PDE7B: variants seen among roughly 807,000 people sequenced by gnomAD.
PDE7B encodes the protein phosphodiesterase 7B.
PDE7B carries 29 observed loss-of-function variants against 56.2 expected under a neutral mutation model. The ratio of observed to expected loss-of-function variants is 0.52; its 90% CI spans 0.38 to 0.70. The LOEUF is 0.70. Ranked by LOEUF, PDE7B falls within the 30% of genes least tolerant of loss-of-function variation. PDE7B has a pLI of 0.00. For synonymous variants in PDE7B, 197 were observed against 196.9 expected (o/e 1.00, Z 0.00); for missense variants, 490 against 565.0 (o/e 0.87, Z 1.35).
intron 2 of PDE7B, among the ~76,000 whole-genome samples, chr6:136,103,445 A>G (rs1306285992): frequency 6.6e-6 from 1 of 152,208 alleles, no homozygotes; most frequent in East Asian, 1.9e-4. Context: ...GTTAATTTGG[A>G]GAGTAGTCAG....
intron 2 of PDE7B, among the ~76,000 whole-genome samples, chr6:136,063,872 C>A (rs1776887561): frequency 6.6e-6 from 1 of 152,204 alleles, no homozygotes; most frequent in African/African-American, 2.4e-5. Context: ...CCCATAGCAC[C>A]TTCTAGCTTA....
chr6:135,957,342 G>A (rs1774815691), intron 2 of PDE7B, among the ~76,000 whole-genome samples: 1 of 152,112 alleles, frequency 6.6e-6, no homozygotes, highest in Non-Finnish European at 1.5e-5. Context: ...AAAATGTGGA[G>A]CAGTTTTGAG....
chr6:135,854,735 A>C (rs991071866), intron 1 of PDE7B, among the ~76,000 whole-genome samples: 6 of 152,184 alleles, frequency 3.9e-5, no homozygotes, highest in African/African-American at 1.4e-4. Context: ...GGCTCTAGGA[A>C]TCCCCTCTTT....
At chr6:135,979,747 G>T (rs1395415067) in intron 2 of PDE7B, among the ~76,000 whole-genome samples, 2 of 152,002 alleles carry the variant, frequency 1.3e-5, no homozygotes, top group Non-Finnish European at 2.9e-5. Context: ...GGGATGTGAA[G>T]GACCTCTTCA....
chr6:135,949,865 G>C (rs1381815101), intron 2 of PDE7B, among the ~76,000 whole-genome samples: 1 of 152,078 alleles, frequency 6.6e-6, no homozygotes. Flanking sequence ...ACTATTCAAA[G>C]ATAATATTAT....
intron 2 of PDE7B, among the ~76,000 whole-genome samples, chr6:136,075,138 C>T (rs1026578307): frequency 3.9e-5 from 6 of 152,262 alleles, no homozygotes; most frequent in Admixed American, 3.3e-4. Flanking sequence ...TTTCTGGGTG[C>T]TTTACCTACT....
chr6:136,096,328 A>G (rs546663187), intron 2 of PDE7B: 1 of 152,334 alleles, frequency 6.6e-6, no homozygotes, highest in African/African-American at 2.4e-5. Context: ...GAAGCACATA[A>G]AAACAAACAA....
At chr6:135,898,274 G>T (rs1000600065) in intron 1 of PDE7B, among the ~76,000 whole-genome samples, 1 of 152,096 alleles carries the variant, frequency 6.6e-6, no homozygotes, top group African/African-American at 2.4e-5. Flanking sequence ...AACCCCAGAA[G>T]AAATTTATTA....
intron 8 of PDE7B, among the ~76,000 whole-genome samples, chr6:136,168,469 A>G (rs1778830968): frequency 6.6e-6 from 1 of 152,048 alleles, no homozygotes; most frequent in Non-Finnish European, 1.5e-5. Flanking sequence ...AGTGCACACC[A>G]CAGAACCTGG....
chr6:136,079,972 G>A (rs1777180797), intron 2 of PDE7B, among the ~76,000 whole-genome samples: 1 of 151,952 alleles, frequency 6.6e-6, no homozygotes, highest in African/African-American at 2.4e-5. Context: ...ATAAAACAAG[G>A]ACAATTAAAG....
intron 1 of PDE7B, among the ~76,000 whole-genome samples, chr6:135,886,539 G>A (rs200249153): frequency 1.5e-5 from 2 of 133,264 alleles, no homozygotes; most frequent in Non-Finnish European, 3.2e-5. Context: ...AACCTACCCT[G>A]AGTCCCCAAA....
At chr6:135,932,894 A>G (rs965984846) in intron 1 of PDE7B, among the ~76,000 whole-genome samples, 2 of 152,216 alleles carry the variant, frequency 1.3e-5, no homozygotes, top group Admixed American at 1.3e-4. Flanking sequence ...GTGGAAAGTC[A>G]GGTTTTTCCT....
rs1304945692 is a variant in PDE7B at position 136,103,583 on chromosome 6, C to A, written c.83-5148C>A. Among the ~76,000 whole-genome samples the A allele has an allele frequency of 2.6e-5, 4 of 152,182 alleles. No individual in the cohort carries two copies. In the East Asian group the frequency reaches 7.7e-4, roughly 29 times the overall value. ...TGACATGAATTAGTAATGTGCTCAG[C>A]AAGCTCAGAGGAATACCTTTCATGA... On this transcript the variant is annotated intron_variant, in intron 2 of 12. Coordinates refer to ENST00000308191, the MANE Select transcript of PDE7B (RefSeq NM_018945.4).
intron 11 of PDE7B, among the ~76,000 whole-genome samples, chr6:136,186,265 T>C (rs369148831): frequency 6.6e-6 from 1 of 151,790 alleles, no homozygotes; most frequent in South Asian, 2.1e-4. Flanking sequence ...AAAATAAAAA[T>C]TTAAAAATAT....
chr6:135,922,043 A>T (rs1774091857), intron 1 of PDE7B, among the ~76,000 whole-genome samples: 2 of 152,214 alleles, frequency 1.3e-5, no homozygotes, highest in Non-Finnish European at 2.9e-5. Flanking sequence ...TACTGTAGTT[A>T]TATGAAATAA....
intron 2 of PDE7B, among the ~76,000 whole-genome samples, chr6:136,013,565 G>A (rs747395539): frequency 7.2e-5 from 11 of 152,222 alleles, no homozygotes; most frequent in Non-Finnish European, 1.6e-4. Flanking sequence ...ATGGGAGGCC[G>A]TTGAACTTGG....
chr6:135,953,210 G>A (rs1014314487), intron 2 of PDE7B, among the ~76,000 whole-genome samples: 1 of 140,284 alleles, frequency 7.1e-6, no homozygotes, highest in Non-Finnish European at 1.6e-5. Flanking sequence ...AAAGTTGGGA[G>A]TTATTTTATA....
chr6:135,916,487 G>C (rs1773950075), intron 1 of PDE7B, among the ~76,000 whole-genome samples: 1 of 142,132 alleles, frequency 7.0e-6, no homozygotes, highest in East Asian at 2.2e-4. Flanking sequence ...CCGCCTCCTG[G>C]GTTCAAGTGA....
chr6:135,874,184 G>A (rs560553127), intron 1 of PDE7B, among the ~76,000 whole-genome samples: 52 of 152,240 alleles, frequency 3.4e-4, no homozygotes, highest in African/African-American at 1.1e-3. Flanking sequence ...CACAGCAGAG[G>A]ACACAGCAAG....
Sources: gnomAD v4.1 joint callset for allele counts (sites outside exome capture counted in the v4.1 genomes callset) on GRCh38, gnomAD v4.1.1 for gene constraint, MANE v1.5 for transcripts, NCBI Gene and HGNC (gene_info 2026-07-23, HGNC 2026-07-21) for gene names.